PKD1: variants seen among roughly 807,000 people sequenced by gnomAD.
PKD1 encodes the protein polycystin 1, transient receptor potential channel interacting, also known as polycystin-1.
Under a neutral mutation model 361.7 loss-of-function variants are expected in PKD1, and 81 were observed. The observed-to-expected ratio is 0.22, with a 90% confidence interval of 0.19 to 0.27. The LOEUF is 0.27. Among genes scored for constraint, PKD1 ranks in the 10% least tolerant of loss-of-function variants. The pLI is 1.00. For synonymous variants in PKD1, 3,615 were observed against 2,818.3 expected (o/e 1.28, Z -8.95); for missense variants, 6,399 against 6,118.3 (o/e 1.05, Z -1.53).
chr16:2,097,046 G>A (rs2091876909), intron 34 of PKD1, 102 bp downstream of exon 34: 2 of 754,820 alleles, frequency 2.6e-6, no homozygotes, highest in African/African-American at 1.7e-5. Context: ...CCCTGCCCTG[G>A]CACCCCACCC....
At chr16:2,104,080 G>C (rs1300307915) in intron 22 of PKD1, among the ~76,000 whole-genome samples, 185 bp from the exon 23 acceptor site, 1 of 12,196 alleles carries the variant, frequency 8.2e-5, no homozygotes, top group African/African-American at 6.9e-4. Context: ...GGGGGAAGGT[G>C]ATGGGGATGA....
chr16:2,106,284 C>T lies in PKD1; in HGVS notation c.7510G>A (p.Ala2504Thr). Residue 2504 changes from alanine (A) to threonine (T), a missense_variant, in exon 19 of 46, where the codon GCT (alanine) becomes ACT (threonine). Physicochemically the swap from Ala to Thr is moderately conservative, Grantham distance 58. Coordinates refer to ENST00000262304, the MANE Select transcript of PKD1 (RefSeq NM_001009944.3). The surrounding 1 kb of genome is among the most constrained non-coding windows in gnomAD (Gnocchi z 6.5). ...AGGGCGTACACCAGCGGGGCGCCAG[C>T]ATCCTCCGCGTCATGCCAGCCTGAG... ...ECTGWHDAED[A>T]GAPLVYALLL... 1.2e-6 allele frequency: 2 copies of T among 1,609,950 alleles called. No homozygotes were observed. Among genetic ancestry groups the T allele is most frequent in the South Asian group, 1.1e-5 (1 of 90,968 alleles).
intron 44 of PKD1, 26 bp downstream of exon 44, chr16:2,090,648 C>A: frequency 1.2e-6 from 2 of 1,610,532 alleles, no homozygotes; most frequent in Non-Finnish European, 1.7e-6. Flanking sequence ...AGCTAAGACG[C>A]CCTCCCCGGC....
In PKD1 at chr16:2,102,465, G is replaced by A; in HGVS notation, c.9117C>T (p.Arg3039=). ...GGTGGCGGGTGAGGCAGACGGCCTGGCGGGGCGAGGTCTCCTCCAGGGGCA... is the reference window on the plus strand; with the variant it reads ...GGTGGCGGGTGAGGCAGACGGCCTGACGGGGCGAGGTCTCCTCCAGGGGCA... ...GLLPLEETSP[R]QAVCLTRHLT... is the part of the protein sequence containing the mutation. Residue 3039 remains arginine, a synonymous_variant, in exon 25 of 46, where the codon CGC becomes CGT. Coordinates refer to ENST00000262304, the MANE Select transcript of PKD1 (RefSeq NM_001009944.3). The A allele has an allele frequency of 5.8e-6, 9 of 1,555,206 alleles. No homozygotes were observed. The highest frequency in any genetic ancestry group is 6.9e-6 in the Non-Finnish European group (8 of 1,151,118).
chr16:2,113,820 G>A (rs1324275648), intron 11 of PKD1: 15 of 424,014 alleles, frequency 3.5e-5, no homozygotes, highest in Non-Finnish European at 6.6e-5. Flanking sequence ...TCCCATCAGG[G>A]GTTCAGACTC....
chr16:2,111,694 A>C lies in PKD1; in HGVS notation c.3473T>G (p.Leu1158Arg). The stretch of plus-strand genomic sequence containing the variant: ...GCCGTCCCCGAAGTCCCACGTGTAA[A>C]GAACACCCCCAGGCGAGGGCAGCGG... The part of the protein sequence containing the change: ...PHPLPSPGGV[L>R]YTWDFGDGSP... Residue 1158 changes from leucine to arginine, a missense_variant, in exon 15 of 46, where the codon CTT (leucine) becomes CGT (arginine). Coordinates refer to ENST00000262304, the MANE Select transcript of PKD1 (RefSeq NM_001009944.3). 1 of 1,582,802 alleles carries C rather than the reference A, an allele frequency of 6.3e-7. No homozygotes were observed. Among genetic ancestry groups the C allele is most frequent in the Non-Finnish European group, 8.6e-7 (1 of 1,165,920 alleles).
chr16:2,090,890 C>T lies in PKD1; in HGVS notation c.11997G>A (p.Leu3999=), dbSNP rs374694387. The T allele has an allele frequency of 1.2e-5, 20 of 1,602,886 alleles. 1 individual carries two copies. Among genetic ancestry groups the T allele is most frequent in the Non-Finnish European group, 1.6e-5 (19 of 1,179,252 alleles). Residue 3999 remains leucine, a synonymous_variant, in exon 43 of 46, where the codon TTG becomes TTA. Transcript: ENST00000262304. ...CCACCGGCCCAGCCCTCACCTTGAC[C>T]AAAAGCAGGAAGAGCAGCGAGGCCG... is the stretch of plus-strand genomic sequence containing the variant. ...GLAASLLFLL[L]VKAAQQLRFV...
At chr16:2,121,464 T>C (rs977509670) in intron 1 of PKD1, among the ~76,000 whole-genome samples, 3 of 151,562 alleles carry the variant, frequency 2.0e-5, no homozygotes, top group African/African-American at 7.3e-5. Flanking sequence ...ACCAGGCAAT[T>C]AGAAGAAGCA....
At position 2,093,835 on chromosome 16, in the gene PKD1, T is replaced by G. The variant is rs1340112481; in HGVS notation, c.10797A>C (p.Ser3599=). 2 of 1,561,914 alleles carry G rather than the reference T, an allele frequency of 1.3e-6. No homozygotes were observed. Among genetic ancestry groups the G allele is most frequent in the South Asian group, 1.2e-5 (1 of 86,350 alleles). Residue 3599 remains serine, a synonymous_variant, in exon 36 of 46, where the codon TCA becomes TCC. Transcript: ENST00000262304. ...CCTTCAGTGGCTCCCAGCCGAGGAA[T>G]GAGGCCAGGAAGCTGGCGCTGCTGG... is the stretch of plus-strand genomic sequence containing the variant. ...LLSSSASFLA[S]FLGWEPLKVL...
In PKD1 at chr16:2,088,878, C is replaced by A; in HGVS notation, c.*849G>T. 2.1e-6 allele frequency: 1 copy of A among 482,774 alleles called. No homozygotes were observed. The highest frequency in any genetic ancestry group is 3.7e-6 in the Non-Finnish European group (1 of 272,636). The allele number at this position is 482,774 out of a possible 1,614,324, so 29.9% of individuals were successfully genotyped here. Reference sequence around the variant, plus strand: ...CATACAGCACACTCGCGCGTGCGCGCGCGCACACACACACACACACAGTCA... The same window carrying A: ...CATACAGCACACTCGCGCGTGCGCGAGCGCACACACACACACACACAGTCA... On this transcript the variant is annotated 3_prime_UTR_variant, in exon 46 of 46. Transcript: ENST00000262304.
chr16:2,129,047 A>G (rs2092834612), intron 1 of PKD1, among the ~76,000 whole-genome samples: 1 of 151,986 alleles, frequency 6.6e-6, no homozygotes, highest in Non-Finnish European at 1.5e-5. Context: ...TATTTTTAGT[A>G]GAACGGGGTT....
intron 21 of PKD1, 56 bp downstream of exon 21, chr16:2,105,266 G>A (rs925935772): frequency 8.7e-5 from 137 of 1,576,308 alleles, no homozygotes; most frequent in Admixed American, 1.4e-4. Context: ...CTGGGGGGCT[G>A]AACCCAGTGC....
rs758158752 is a variant in PKD1 at position 2,108,682 on chromosome 16, C to A, written c.6485G>T (p.Arg2162Leu). ...CTCCAAGTAGTTGCGCTGTGATCGC[C>A]GCATCAGCACCTGCAGGGGCAGGAC... ...DVVLPLQVLMRRSQRNYLEAH... is the reference protein window; with the variant it reads ...DVVLPLQVLMLRSQRNYLEAH... Residue 2162 changes from arginine to leucine, a missense_variant, in exon 15 of 46, where the codon CGG becomes CTG. Physicochemically the swap from Arg to Leu is moderately radical, Grantham distance 102. Coordinates refer to ENST00000262304, the MANE Select transcript of PKD1 (RefSeq NM_001009944.3). 7 of 1,568,146 alleles carry A rather than the reference C, an allele frequency of 4.5e-6. No individual in the cohort carries two copies. The highest frequency in any genetic ancestry group is 5.2e-6 in the Non-Finnish European group (6 of 1,157,534).
At chr16:2,099,607 C>CT in intron 30 of PKD1, 37 bp downstream of exon 30, 1 of 1,561,754 alleles carries the variant, frequency 6.4e-7, no homozygotes, top group Non-Finnish European at 8.6e-7. Flanking sequence ...GCCCAGGCTC[C>CT]ATTCCCAGTA....
rs1335453578 is a variant in PKD1, at chr16:2,089,239, G to T, written c.*488C>A. On this transcript the variant is annotated 3_prime_UTR_variant, in exon 46 of 46. Transcript: ENST00000262304. ...AGGCCCCTCAGCCCTAGTGAAAATA[G>T]TGACATACAAAAATATACACATTTT... The T allele has an allele frequency of 5.7e-6, 1 of 174,654 alleles. No individual in the cohort carries two copies. The highest frequency in any genetic ancestry group is 2.4e-5 in the African/African-American group (1 of 41,920). The allele number at this position is 174,654 out of a possible 1,614,324, so 10.8% of individuals were successfully genotyped here.
At chr16:2,126,251 C>T (rs2092798643) in intron 1 of PKD1, among the ~76,000 whole-genome samples, 1 of 152,258 alleles carries the variant, frequency 6.6e-6, no homozygotes, top group African/African-American at 2.4e-5. Context: ...CTTGCCCCAG[C>T]GCTGGCCTCA....
chr16:2,113,451 T>G, intron 11 of PKD1, 159 bp from the exon 12 acceptor site: 1 of 839,582 alleles, frequency 1.2e-6, no homozygotes. Context: ...AAGCCCGGGC[T>G]GGGACACTCA....
chr16:2,094,827 G>C (rs538375526), intron 34 of PKD1: 1 of 154,358 alleles, frequency 6.5e-6, no homozygotes, highest in South Asian at 2.0e-4. Flanking sequence ...GACACGTTGA[G>C]GGGGAGGACG....
intron 1 of PKD1, among the ~76,000 whole-genome samples, chr16:2,121,387 A>T (rs541572223): frequency 2.0e-5 from 3 of 152,246 alleles, no homozygotes; most frequent in East Asian, 1.9e-4. Context: ...AAAATAAAAA[A>T]AAAAAGGATG....
Sources: gnomAD v4.1 joint callset for allele counts (sites outside exome capture counted in the v4.1 genomes callset) on GRCh38, gnomAD v4.1.1 for gene constraint, Gnocchi (gnomAD v3.1) non-coding constraint, MANE v1.5 for transcripts, NCBI Gene and HGNC (gene_info 2026-07-23, HGNC 2026-07-21) for gene names.